ROBO2: variants seen among roughly 807,000 people sequenced by gnomAD.
ROBO2 encodes roundabout guidance receptor 2.
A neutral mutation model predicts 160.8 loss-of-function variants in ROBO2; 53 were observed. That is an observed-to-expected ratio of 0.33 (90% CI 0.26 to 0.41). The LOEUF (loss-of-function observed/expected upper bound fraction) is 0.41, where lower values mean the gene tolerates loss of function less well. Among genes scored for constraint, ROBO2 ranks in the 10% least tolerant of loss-of-function variants. The pLI is 1.00. For missense variants in ROBO2, 1,577 were observed against 1,722.4 expected (o/e 0.92, Z 1.49); for synonymous variants, 664 against 611.7 (o/e 1.09, Z -1.26).
chr3:76,291,325 A>G (rs1455568396), intron 2 of ROBO2, among the ~76,000 whole-genome samples: 1 of 152,060 alleles, frequency 6.6e-6, no homozygotes, highest in African/African-American at 2.4e-5. Flanking sequence ...TTTCTAGTTT[A>G]TGTGCATAGA....
chr3:76,748,355 T>A (rs1270762527), intron 2 of ROBO2, among the ~76,000 whole-genome samples: 2 of 151,694 alleles, frequency 1.3e-5, no homozygotes, highest in Non-Finnish European at 2.9e-5. Context: ...TGTATGATGT[T>A]GATACATTTA....
At chr3:77,170,081 AGAGCTGACACCTGTCACCTTTTAAAGAG>A (rs1414652532) in intron 2 of ROBO2, among the ~76,000 whole-genome samples, 1 of 152,178 alleles carries the variant, frequency 6.6e-6, no homozygotes, top group East Asian at 1.9e-4. Flanking sequence ...CCTTCCCTCC[AGAGCTGACACCTGTCACCTTTTAAAGAG>A]TGTACATTCT....
chr3:76,623,709 A>G (rs900243901), intron 2 of ROBO2, among the ~76,000 whole-genome samples: 8 of 152,204 alleles, frequency 5.3e-5, no homozygotes, highest in African/African-American at 1.7e-4. Context: ...AGGTTTAGAT[A>G]CCATTTGCAT....
At chr3:76,763,865 G>C (rs1478405586) in intron 2 of ROBO2, among the ~76,000 whole-genome samples, 1 of 151,754 alleles carries the variant, frequency 6.6e-6, no homozygotes, top group African/African-American at 2.4e-5. Context: ...CATTGAGCCT[G>C]TGGATCAGAG....
At chr3:76,469,140 A>G (rs1228537232) in intron 2 of ROBO2, among the ~76,000 whole-genome samples, 2 of 152,092 alleles carry the variant, frequency 1.3e-5, no homozygotes, top group Non-Finnish European at 2.9e-5. Flanking sequence ...TCAAATGACC[A>G]TCATTTTTCA....
At chr3:77,417,235 T>A (rs1007145855) in intron 2 of ROBO2, among the ~76,000 whole-genome samples, 2 of 146,868 alleles carry the variant, frequency 1.4e-5, no homozygotes, top group Non-Finnish European at 3.0e-5. Context: ...TAACCACTTT[T>A]TTTTTTTTTT....
At position 76,090,477 on chromosome 3, in the gene ROBO2, T is replaced by C. The variant is rs563434137; in HGVS notation, c.109+152875T>C. 2.2e-4 allele frequency among the ~76,000 whole-genome samples: 33 copies of C among 152,288 alleles called. 1 individual carries two copies. The South Asian group carries it at 6.8e-3, about 32-fold the overall frequency. ...GCTAAATAAATGAGGCTATATTTCATGTTTTTCTATAAAAACCTCAAGGTA... is the reference window on the plus strand; with the variant it reads ...GCTAAATAAATGAGGCTATATTTCACGTTTTTCTATAAAAACCTCAAGGTA... On this transcript the variant is annotated intron_variant, in intron 2 of 26. Coordinates refer to the ROBO2 transcript ENST00000487694.
chr3:77,200,149 T>A (rs892482919), intron 2 of ROBO2, among the ~76,000 whole-genome samples: 1 of 149,952 alleles, frequency 6.7e-6, no homozygotes, highest in East Asian at 2.0e-4. Context: ...GAAGATTGCA[T>A]TTGGAAGGTG....
intron 2 of ROBO2, among the ~76,000 whole-genome samples, chr3:76,963,385 G>A (rs1034176666): frequency 1.3e-5 from 2 of 152,072 alleles, no homozygotes; most frequent in Non-Finnish European, 2.9e-5. Flanking sequence ...TAGAAAGCAT[G>A]CAGAACTACA....
intron 2 of ROBO2, among the ~76,000 whole-genome samples, chr3:76,749,729 A>T (rs1369177231): frequency 1.3e-5 from 2 of 152,112 alleles, no homozygotes; most frequent in East Asian, 3.9e-4. Flanking sequence ...TACTATGGAC[A>T]ATGATGTAGC....
chr3:77,006,305 TTGTGTGTGTGTG>T lies in ROBO2; in HGVS notation c.110-91683_110-91672del, dbSNP rs60754546. 6.9e-5 allele frequency among the ~76,000 whole-genome samples: 10 copies of T among 143,968 alleles called. No individual in the cohort carries two copies. In the South Asian group the frequency reaches 9.0e-4, roughly 13 times the overall value. 94.4% of individuals were successfully genotyped at this position (143,968 alleles called of 152,430 possible). A position where few individuals can be genotyped will look rare whatever the true frequency, so the allele number is the denominator to read the frequency against. On this transcript the variant is annotated intron_variant, in intron 2 of 26. Transcript: ENST00000487694. Reference sequence around the variant, plus strand: ...AATGTTGATAATAGAATTTTAATATTTGTGTGTGTGTGTGTGTGTGTGTGTGTGTGTGTGTGT... The same window carrying T: ...AATGTTGATAATAGAATTTTAATATTTGTGTGTGTGTGTGTGTGTGTGTGT...
chr3:77,213,146 G>C (rs539095950), intron 2 of ROBO2, among the ~76,000 whole-genome samples: 4 of 152,270 alleles, frequency 2.6e-5, no homozygotes, highest in African/African-American at 9.6e-5. Flanking sequence ...GTTTCAGAAG[G>C]AATGGTACCA....
intron 1 of ROBO2, among the ~76,000 whole-genome samples, chr3:75,912,632 T>C (rs1186037119): frequency 2.0e-5 from 3 of 152,174 alleles, no homozygotes; most frequent in African/African-American, 7.2e-5. Context: ...CATGAAAATA[T>C]TAGCTCCATC....
At position 77,644,919 on chromosome 3, in the gene ROBO2, C is replaced by T. The variant is rs1302263502; in HGVS notation, c.4135+15C>T. 6.2e-7 allele frequency: 1 copy of T among 1,610,004 alleles called. No individual in the cohort carries two copies. The highest frequency in any genetic ancestry group is 2.2e-5 in the East Asian group (1 of 44,846). ...AGGTGAATTATGTAAGTGCTTAGGT[C>T]ATTTAAAAGGCTATCGTGATTCAGA... On this transcript the variant is annotated intron_variant, in intron 25 of 25. Coordinates refer to ENST00000461745, the Ensembl canonical transcript of ROBO2.
chr3:76,455,297 G>A (rs1391251500), intron 2 of ROBO2, among the ~76,000 whole-genome samples: 1 of 152,072 alleles, frequency 6.6e-6, no homozygotes, highest in African/African-American at 2.4e-5. Flanking sequence ...TGAATGTACA[G>A]CATTTGACAG....
intron 2 of ROBO2, among the ~76,000 whole-genome samples, chr3:77,381,861 C>T (rs2073516237): frequency 6.6e-6 from 1 of 152,076 alleles, no homozygotes; most frequent in African/African-American, 2.4e-5. Context: ...AACCAGAGTA[C>T]ATTTATCCTG....
intron 2 of ROBO2, among the ~76,000 whole-genome samples, chr3:76,646,718 A>G (rs575193333): frequency 2.0e-5 from 3 of 152,306 alleles, no homozygotes; most frequent in Admixed American, 6.5e-5. Context: ...TCTGCCAAGA[A>G]GTCACTCTGA....
intron 2 of ROBO2, among the ~76,000 whole-genome samples, chr3:76,269,723 A>AT (rs2107621860): frequency 6.6e-6 from 1 of 152,144 alleles, no homozygotes; most frequent in African/African-American, 2.4e-5. Flanking sequence ...GGGCTTTCAG[A>AT]TTTTTATGAA....
intron 2 of ROBO2, among the ~76,000 whole-genome samples, chr3:76,894,380 T>A (rs551162788): frequency 6.6e-6 from 1 of 152,240 alleles, no homozygotes; most frequent in East Asian, 1.9e-4. Flanking sequence ...GTCTTAGAAG[T>A]CTTTTATTTA....
Sources: allele counts gnomAD v4.1 joint callset (sites outside exome capture counted in the v4.1 genomes callset), GRCh38; gene constraint gnomAD v4.1.1; transcripts MANE v1.5; gene names NCBI Gene and HGNC (gene_info 2026-07-23, HGNC 2026-07-21).